Variants in MICU3 observed in about 807,000 individuals in gnomAD.
The protein encoded by MICU3 is mitochondrial calcium uptake 3.
Under a neutral mutation model 66.5 loss-of-function variants are expected in MICU3, and 62 were observed. The observed-to-expected ratio is 0.93, with a 90% confidence interval of 0.76 to 1.15. The LOEUF (loss-of-function observed/expected upper bound fraction) is 1.15, where lower values mean the gene tolerates loss of function less well. Ranked by LOEUF, MICU3 falls within the 50% of genes most tolerant of loss-of-function variation. The probability of loss-of-function intolerance (pLI) is 0.00; values close to 1 mark genes in which losing one functional copy is unlikely to be tolerated. For synonymous variants in MICU3, 308 were observed against 240.7 expected (o/e 1.28, Z -2.59); for missense variants, 779 against 664.4 (o/e 1.17, Z -1.90).
chr8:17,086,994 A>G lies in MICU3; in HGVS notation c.808A>G (p.Lys270Glu), dbSNP rs1403954297. ...AGAGATATTCAGGAAAAAAAATGAA[A>G]AGAGAGAAATTAAAGGAGATGAAGA... ...LQEIFRKKNE[K>E]REIKGDEEKR... is the part of the protein sequence containing the mutation. The change falls in exon 7 of 15, where the codon AAG becomes GAG. Residue 270 changes from lysine to glutamate, a missense_variant. Lys to Glu is a moderately conservative substitution (Grantham distance 56, BLOSUM62 1). Transcript: ENST00000318063. The G allele has an allele frequency of 1.2e-6, 2 of 1,606,776 alleles. No homozygotes were observed. The highest frequency in any genetic ancestry group is 2.2e-5 in the South Asian group (2 of 90,840).
chr8:17,034,665 G>A (rs1277081368), intron 1 of MICU3, among the ~76,000 whole-genome samples: 1 of 152,208 alleles, frequency 6.6e-6, no homozygotes, highest in Non-Finnish European at 1.5e-5. Flanking sequence ...TTCAGTGAAG[G>A]AAGTAGCTGC....
chr8:17,049,363 G>A (rs1815658644), intron 1 of MICU3, among the ~76,000 whole-genome samples: 1 of 152,138 alleles, frequency 6.6e-6, no homozygotes, highest in Non-Finnish European at 1.5e-5. Flanking sequence ...TATAAACTTT[G>A]TGCCTGGAGT....
intron 9 of MICU3, chr8:17,102,806 G>A (rs532168849): frequency 6.6e-6 from 1 of 151,896 alleles, no homozygotes; most frequent in Non-Finnish European, 1.5e-5. Flanking sequence ...AATCCTCAAA[G>A]AAGTTGGTTT....
intron 1 of MICU3, among the ~76,000 whole-genome samples, chr8:17,061,640 C>A (rs1411533951): frequency 6.6e-6 from 1 of 152,126 alleles, no homozygotes. Context: ...AGTGGTCCTC[C>A]ATGAAATTCA....
At chr8:17,071,877 T>C (rs1235504890) in intron 3 of MICU3, among the ~76,000 whole-genome samples, 1 of 152,064 alleles carries the variant, frequency 6.6e-6, no homozygotes, top group Non-Finnish European at 1.5e-5. Flanking sequence ...GTACAAAACA[T>C]TATTAAATTA....
intron 1 of MICU3, among the ~76,000 whole-genome samples, chr8:17,034,021 A>C (rs116441315): frequency 6.6e-6 from 1 of 152,148 alleles, no homozygotes; most frequent in South Asian, 2.1e-4. Context: ...AGCTAGAGAG[A>C]GGTCAATACC....
intron 14 of MICU3, among the ~76,000 whole-genome samples, chr8:17,119,321 C>T (rs1802992026): frequency 6.6e-6 from 1 of 151,986 alleles, no homozygotes; most frequent in African/African-American, 2.4e-5. Context: ...TTATTTATAA[C>T]CCAAAAAATG....
At chr8:17,122,762 G>C (rs1398969877), downstream of MICU3, 1 of 151,920 alleles carries the variant, frequency 6.6e-6, no homozygotes, top group Non-Finnish European at 1.5e-5. Flanking sequence ...TCCCTCTTCT[G>C]TGGCAACACA....
chr8:17,059,900 A>G (rs896072228), intron 1 of MICU3, among the ~76,000 whole-genome samples: 1 of 152,194 alleles, frequency 6.6e-6, no homozygotes, highest in African/African-American at 2.4e-5. Context: ...TTGTGAGACG[A>G]TCAATTCTCC....
At position 17,090,268 on chromosome 8, in the gene MICU3, T is replaced by A. The variant is rs1487680900; in HGVS notation, c.850-278T>A. On this transcript the variant is annotated intron_variant, in intron 7 of 14. Transcript: ENST00000318063. ...AAACCGCATACTTCAGGACAACGTG[T>A]TTTACTCAAAGCAGTAGTTCTATTA... Among the ~76,000 whole-genome samples the A allele has an allele frequency of 2.0e-5, 3 of 152,086 alleles. No individual in the cohort carries two copies. In the East Asian group the frequency reaches 5.8e-4, roughly 29 times the overall value.
At chr8:17,044,482 T>A (rs1430803617) in intron 1 of MICU3, among the ~76,000 whole-genome samples, 1 of 152,198 alleles carries the variant, frequency 6.6e-6, no homozygotes, top group Non-Finnish European at 1.5e-5. Context: ...TTAAAAATTT[T>A]TTTTTTGGAA....
intron 1 of MICU3, among the ~76,000 whole-genome samples, chr8:17,044,994 C>T (rs1221750523): frequency 6.6e-6 from 1 of 151,784 alleles, no homozygotes; most frequent in Non-Finnish European, 1.5e-5. Flanking sequence ...TGCAACAAAG[C>T]CTGAAAAAGG....
intron 3 of MICU3, among the ~76,000 whole-genome samples, chr8:17,071,781 C>G (rs1819622819): frequency 6.6e-6 from 1 of 151,798 alleles, no homozygotes; most frequent in African/African-American, 2.4e-5. Flanking sequence ...CCAGCGAGAG[C>G]AATTAGAAAC....
intron 11 of MICU3, among the ~76,000 whole-genome samples, chr8:17,109,609 T>C (rs1329614640): frequency 1.3e-5 from 2 of 152,314 alleles, no homozygotes; most frequent in East Asian, 3.9e-4. Flanking sequence ...ATGCTAACTC[T>C]GGAAGGATTC....
intron 1 of MICU3, among the ~76,000 whole-genome samples, chr8:17,058,002 C>T (rs981209081): frequency 6.6e-6 from 1 of 152,092 alleles, no homozygotes; most frequent in African/African-American, 2.4e-5. Context: ...CACTCGCCAC[C>T]ACACCTGGCT....
chr8:17,049,048 G>T (rs927453991), intron 1 of MICU3, among the ~76,000 whole-genome samples: 1 of 152,142 alleles, frequency 6.6e-6, no homozygotes, highest in Non-Finnish European at 1.5e-5. Context: ...CCATTTCTTT[G>T]AACGTCAGCC....
intron 1 of MICU3, among the ~76,000 whole-genome samples, chr8:17,052,284 A>G (rs953791534): frequency 6.6e-6 from 1 of 151,912 alleles, no homozygotes; most frequent in Admixed American, 6.6e-5. Context: ...ACATGCATAC[A>G]GTATGTAATG....
intron 1 of MICU3, among the ~76,000 whole-genome samples, chr8:17,052,733 G>C (rs1489049694): frequency 1.3e-5 from 2 of 152,136 alleles, no homozygotes; most frequent in Non-Finnish European, 2.9e-5. Context: ...CTGGGAATTT[G>C]AGGTTTAACC....
intron 1 of MICU3, among the ~76,000 whole-genome samples, chr8:17,040,892 T>G (rs1292358679): frequency 6.6e-6 from 1 of 152,188 alleles, no homozygotes; most frequent in Non-Finnish European, 1.5e-5. Flanking sequence ...GTTATTCAAG[T>G]GTTTTGTCTT....
Sources: gnomAD v4.1 joint callset for allele counts (sites outside exome capture counted in the v4.1 genomes callset) on GRCh38, gnomAD v4.1.1 for gene constraint, MANE v1.5 for transcripts, NCBI Gene and HGNC (gene_info 2026-07-23, HGNC 2026-07-21) for gene names.